The following ARHGAP9 variants were observed in gnomAD, a reference collection of about 807,000 sequenced individuals.
ARHGAP9 encodes Rho GTPase activating protein 9, also known as rho GTPase-activating protein 9.
A neutral mutation model predicts 87.3 loss-of-function variants in ARHGAP9; 76 were observed. That is an observed-to-expected ratio of 0.87 (90% CI 0.72 to 1.05). ARHGAP9 has a LOEUF of 1.05. Ranked by LOEUF, ARHGAP9 falls within the 50% of genes least tolerant of loss-of-function variation. The pLI is 0.00. For missense variants in ARHGAP9, 941 were observed against 960.5 expected (o/e 0.98, Z 0.27); for synonymous variants, 382 against 394.9 (o/e 0.97, Z 0.39).
At chr12:57,486,624 G>C (rs1195209542) in intron 1 of ARHGAP9, among the ~76,000 whole-genome samples, 22 of 96,548 alleles carry the variant, frequency 2.3e-4, no homozygotes, top group African/African-American at 7.5e-4. Context: ...GCGGCTGCAC[G>C]CCTGTAATCC....
At chr12:57,480,829 G>C, upstream of ARHGAP9, 1 of 1,550,552 alleles carries the variant, frequency 6.4e-7, no homozygotes, top group Non-Finnish European at 8.7e-7. Flanking sequence ...CACAATGTGA[G>C]GCTTTCTGTT....
Position 57,472,438 on chromosome 12 carries a change from G to A in ARHGAP9, c.*79C>T. ...AGACAGTCATTTGGGAGATTTAAAGGGATATCCTCAAAACAGAACACCAGC... is the reference window on the plus strand; with the variant it reads ...AGACAGTCATTTGGGAGATTTAAAGAGATATCCTCAAAACAGAACACCAGC... On this transcript the variant is annotated 3_prime_UTR_variant, in exon 18 of 18. Transcript: ENST00000393791. The A allele has an allele frequency of 6.8e-7, 1 of 1,480,904 alleles. No individual in the cohort carries two copies. 91.7% of individuals were successfully genotyped at this position (1,480,904 alleles called of 1,614,324 possible).
chr12:57,472,774 G>A, intron 17 of ARHGAP9, 86 bp from the exon 18 acceptor site: 1 of 1,433,498 alleles, frequency 7.0e-7, no homozygotes, highest in South Asian at 1.2e-5. Context: ...GTTCTGAGCA[G>A]GGAAGAGTTC....
chr12:57,472,450 A>ACCTCTC lies in ARHGAP9; in HGVS notation c.*66_*67insGAGAGG. 6.5e-7 allele frequency: 1 copy of ACCTCTC among 1,541,954 alleles called. No individual in the cohort carries two copies. The highest frequency in any genetic ancestry group is 8.8e-7 in the Non-Finnish European group (1 of 1,142,616). Reference sequence around the variant, plus strand: ...GGGAGATTTAAAGGGATATCCTCAAAACAGAACACCAGCCTCTCACCACCA... The same window carrying ACCTCTC: ...GGGAGATTTAAAGGGATATCCTCAAACCTCTCACAGAACACCAGCCTCTCACCACCA... On this transcript the variant is annotated 3_prime_UTR_variant, in exon 18 of 18. Coordinates refer to ENST00000393791, the MANE Select transcript of ARHGAP9 (RefSeq NM_032496.4).
chr12:57,479,821 A>AAGAATCAGGTTCAAGAC lies in ARHGAP9; in HGVS notation c.-127_-111dup, dbSNP rs537629435. 3.8e-4 allele frequency: 573 copies of AAGAATCAGGTTCAAGAC among 1,527,262 alleles called. 6 individuals are homozygous for AAGAATCAGGTTCAAGAC. The highest frequency in any genetic ancestry group is 3.4e-3 in the South Asian group (277 of 81,380). The allele number at this position is 1,527,262 out of a possible 1,614,324, so 94.6% of individuals were successfully genotyped here. A position where few individuals can be genotyped will look rare whatever the true frequency, so the allele number is the denominator to read the frequency against. ...TGGACACAGGAAGGAGATAAGAAGA[A>AAGAATCAGGTTCAAGAC]AGAATCAGGTTCAAGACAGAAACAG... On this transcript the variant is annotated 5_prime_UTR_variant, in exon 1 of 18. Coordinates refer to ENST00000393791, the MANE Select transcript of ARHGAP9 (RefSeq NM_032496.4).
intron 1 of ARHGAP9, 95 bp from the exon 2 acceptor site, chr12:57,479,519 G>A (rs1175906514): frequency 2.5e-5 from 38 of 1,500,064 alleles, no homozygotes; most frequent in Non-Finnish European, 3.2e-5. Flanking sequence ...TTGCAGGGAG[G>A]TGAGGACGGG....
At chr12:57,473,525 T>G in intron 17 of ARHGAP9, 78 bp downstream of exon 17, 1 of 1,362,328 alleles carries the variant, frequency 7.3e-7, no homozygotes, top group South Asian at 1.2e-5. Context: ...CTACCTTCAC[T>G]CCACCTGCAC....
At chr12:57,476,820 GGA>G (rs768729516) in intron 6 of ARHGAP9, 49 bp downstream of exon 6, 15 of 1,530,876 alleles carry the variant, frequency 9.8e-6, no homozygotes, top group South Asian at 5.6e-5. Flanking sequence ...GGAAAAGGGG[GGA>G]GGGGGGGCAG....
intron 10 of ARHGAP9, 107 bp downstream of exon 10, chr12:57,475,726 C>T (rs764668705): frequency 3.3e-6 from 5 of 1,492,662 alleles, no homozygotes; most frequent in African/African-American, 1.9e-5. Flanking sequence ...CAAGGGCTCT[C>T]CACTGAGCCC....
intron 17 of ARHGAP9, among the ~76,000 whole-genome samples, chr12:57,473,104 C>G (rs1872376432): frequency 6.6e-6 from 1 of 152,180 alleles, no homozygotes; most frequent in South Asian, 2.1e-4. Context: ...TCCATTTCCC[C>G]ACTTGATGCT....
chr12:57,488,015 G>C (rs1875565079), intron 1 of ARHGAP9: 2 of 1,244,914 alleles, frequency 1.6e-6, no homozygotes, highest in Non-Finnish European at 2.4e-6. Flanking sequence ...CCATTTCCCG[G>C]CGTGCCTCGC....
Position 57,474,647 on chromosome 12 carries a change from G to A in ARHGAP9, c.1708C>T (p.Leu570Phe), listed in dbSNP as rs768928515. 6.8e-6 allele frequency: 11 copies of A among 1,614,106 alleles called. No homozygotes were observed. The Admixed American group carries it at 1.2e-4, about 17-fold the overall frequency. ...VSGNLAVVQKLRFLVDRERAV... is the reference protein window; with the variant it reads ...VSGNLAVVQKFRFLVDRERAV... ...TCACCTCTGTCCACCAGAAAGCGAAGCTTCTGGACCACTGCCAAGTTCCCG... is the reference window on the plus strand; with the variant it reads ...TCACCTCTGTCCACCAGAAAGCGAAACTTCTGGACCACTGCCAAGTTCCCG... The change falls in exon 14 of 18, where the codon CTT becomes TTT. Residue 570 changes from leucine to phenylalanine, a missense_variant. Leu to Phe is a conservative substitution (Grantham distance 22). Coordinates refer to ENST00000393791, the MANE Select transcript of ARHGAP9 (RefSeq NM_032496.4).
chr12:57,480,733 T>C, upstream of ARHGAP9: 3 of 1,533,786 alleles, frequency 2.0e-6, no homozygotes. Context: ...TGACCTTCCC[T>C]GGATTACCAG....
rs781373940 is a variant in ARHGAP9, at chr12:57,474,656, C to T, written c.1699G>A (p.Val567Ile). 1 of 1,614,216 alleles carries T rather than the reference C, an allele frequency of 6.2e-7. No homozygotes were observed. The highest frequency in any genetic ancestry group is 8.5e-7 in the Non-Finnish European group (1 of 1,180,044). The change falls in exon 14 of 18, where the codon GTC (valine) becomes ATC (isoleucine). Residue 567 changes from valine to isoleucine, a missense_variant. Val to Ile is a conservative substitution (Grantham distance 29). Coordinates refer to ENST00000393791, the MANE Select transcript of ARHGAP9 (RefSeq NM_032496.4). Reference protein sequence around the residue: ...IYRVSGNLAVVQKLRFLVDRE... With the variant: ...IYRVSGNLAVIQKLRFLVDRE... The stretch of plus-strand genomic sequence containing the variant: ...TCCACCAGAAAGCGAAGCTTCTGGA[C>T]CACTGCCAAGTTCCCGCTCACCCGA...
chr12:57,478,696 C>T lies in ARHGAP9; in HGVS notation c.378G>A (p.Gln126=). The T allele has an allele frequency of 1.2e-6, 2 of 1,614,092 alleles. No homozygotes were observed. Among genetic ancestry groups the T allele is most frequent in the Non-Finnish European group, 8.5e-7 (1 of 1,179,992 alleles). The change falls in exon 3 of 18, where the codon CAG becomes CAA. Residue 126 remains glutamine, a synonymous_variant. Coordinates refer to ENST00000393791, the MANE Select transcript of ARHGAP9 (RefSeq NM_032496.4). ...ELSQALPSRA[Q]ASSEQPPPLP... The stretch of plus-strand genomic sequence containing the variant: ...GTGGAGGAGGCTGCTCCGAGCTAGC[C>T]TGAGCCCTGCTTGGGAGGGCCTGAG...
At chr12:57,482,886 T>C (rs1226212507), upstream of ARHGAP9, among the ~76,000 whole-genome samples, 2 of 151,022 alleles carry the variant, frequency 1.3e-5, no homozygotes, top group Non-Finnish European at 2.9e-5. Flanking sequence ...TCACCTGAGG[T>C]CAGGAGTTCA....
intron 10 of ARHGAP9, 59 bp from the exon 11 acceptor site, chr12:57,475,674 T>A: frequency 1.9e-6 from 3 of 1,580,864 alleles, no homozygotes; most frequent in Non-Finnish European, 1.7e-6. Context: ...TATCCCTAGC[T>A]GGACTCTGAC....
At chr12:57,488,712 T>C in exon 1 of ARHGAP9, 5 of 1,460,710 alleles carry the variant, frequency 3.4e-6, no homozygotes, top group Non-Finnish European at 4.7e-6. Flanking sequence ...GACCTTCAGA[T>C]AATTATGAAG....
In ARHGAP9 at chr12:57,474,939, G is replaced by T; in HGVS notation, c.1587C>A (p.Cys529Ter). 6.2e-7 allele frequency: 1 copy of T among 1,614,142 alleles called. No individual in the cohort carries two copies. The highest frequency in any genetic ancestry group is 8.5e-7 in the Non-Finnish European group (1 of 1,180,034). Residue 529 changes from cysteine to a stop codon, truncating the protein, a stop_gained, in exon 13 of 18, where the codon TGC (cysteine) becomes TGA (stop). Coordinates refer to ENST00000393791, the MANE Select transcript of ARHGAP9 (RefSeq NM_032496.4). LOFTEE classifies it high-confidence loss of function. ...QVFGCQLESL[C>*]QREGDTVPSF... ...TGGGCACCGTGTCTCCTTCCCGCTG[G>T]CAGAGTGATTCCAACTGGCAGCCGA...
Sources: allele counts gnomAD v4.1 joint callset (sites outside exome capture counted in the v4.1 genomes callset), GRCh38; gene constraint gnomAD v4.1.1; transcripts MANE v1.5; gene names NCBI Gene and HGNC (gene_info 2026-07-23, HGNC 2026-07-21).